CELA2B: variants seen among roughly 807,000 people sequenced by gnomAD.
The protein encoded by CELA2B is chymotrypsin-like elastase family member 2B.
In CELA2B, 27 loss-of-function variants were observed where a neutral mutation model predicts 36.5. The ratio of observed to expected loss-of-function variants is 0.74; its 90% CI spans 0.55 to 1.02. The LOEUF (loss-of-function observed/expected upper bound fraction) is 1.02. Among genes scored for constraint, CELA2B ranks in the 50% least tolerant of loss-of-function variants. The probability of loss-of-function intolerance (pLI) is 0.00; values close to 1 mark genes in which losing one functional copy is unlikely to be tolerated. For missense variants in CELA2B, 340 were observed against 347.8 expected, an observed-to-expected ratio of 0.98 and a Z score of 0.18; for synonymous variants, 143 against 148.5, an observed-to-expected ratio of 0.96 and a Z score of 0.27.
Position 15,480,954 on chromosome 1 carries a change from G to A in CELA2B, c.130-144G>A, listed in dbSNP as rs1026497221. The A allele has an allele frequency of 5.2e-6, 4 of 764,024 alleles. No individual in the cohort carries two copies. The African/African-American group carries it at 5.3e-5, about 10-fold the overall frequency. The allele number at this position is 764,024 out of a possible 1,614,324, so 47.3% of individuals were successfully genotyped here. ...AAATGTTTTTTATCTTCATGGCTGA[G>A]GTTTTGGGTGCCCCCTTAAGTTGTG... On this transcript the variant is annotated intron_variant, in intron 2 of 7. Transcript: ENST00000375910.
At chr1:15,484,183 C>A (rs1708777436) in intron 5 of CELA2B, among the ~76,000 whole-genome samples, 1 of 152,124 alleles carries the variant, frequency 6.6e-6, no homozygotes, top group Admixed American at 6.5e-5. Context: ...CCTCATCAGA[C>A]CCTCCATGCC....
At position 15,478,217 on chromosome 1, in the gene CELA2B, T is replaced by TATATATATATATATATATATA. The variant is rs1491212485; in HGVS notation, c.129+1672_129+1673insATATATATATATATATATATA. Among the ~76,000 whole-genome samples, 388 of 48,360 alleles carry TATATATATATATATATATATA rather than the reference T, an allele frequency of 8.0e-3. 5 individuals are homozygous for TATATATATATATATATATATA. Among genetic ancestry groups the TATATATATATATATATATATA allele is most frequent in the African/African-American group, 0.027 (355 of 12,928 alleles). 31.7% of individuals were successfully genotyped at this position (48,360 alleles called of 152,430 possible). ...AGGCTGAGGCATATATATATATATA[T>TATATATATATATATATATATA]TGGGATATATAGTTTGTTTGTTTGT... On this transcript the variant is annotated intron_variant, in intron 2 of 7. Transcript: ENST00000375910.
intron 3 of CELA2B, 114 bp downstream of exon 3, chr1:15,481,309 A>G (rs1480400550): frequency 1.6e-6 from 2 of 1,233,126 alleles, no homozygotes; most frequent in Non-Finnish European, 2.4e-6. Context: ...AATAACCACT[A>G]GCCTGGCCGA....
chr1:15,482,100 T>C (rs766015394), intron 3 of CELA2B, among the ~76,000 whole-genome samples, 165 bp from the exon 4 acceptor site: 14 of 152,224 alleles, frequency 9.2e-5, no homozygotes, highest in Non-Finnish European at 1.9e-4. Context: ...TCTTACATTA[T>C]ATACTTTAGG....
intron 2 of CELA2B, 58 bp downstream of exon 2, chr1:15,476,603 C>A: frequency 6.6e-7 from 1 of 1,516,126 alleles, no homozygotes; most frequent in South Asian, 1.1e-5. Flanking sequence ...TACATCCCCC[C>A]TTTGCCCTTC....
chr1:15,476,392 G>A (rs1276219224), intron 1 of CELA2B, 65 bp from the exon 2 acceptor site: 1 of 1,519,902 alleles, frequency 6.6e-7, no homozygotes, highest in Non-Finnish European at 9.1e-7. Context: ...TCAGAATGCA[G>A]CATGTATAGT....
chr1:15,483,243 T>C (rs1708763827), intron 4 of CELA2B, 21 bp from the exon 5 acceptor site: 1 of 1,613,108 alleles, frequency 6.2e-7, no homozygotes, highest in African/African-American at 1.3e-5. Context: ...GTTCTCATGC[T>C]CCGCCTCCGC....
At chr1:15,485,054 G>A (rs1370267440) in intron 5 of CELA2B, among the ~76,000 whole-genome samples, 4 of 151,902 alleles carry the variant, frequency 2.6e-5, no homozygotes, top group South Asian at 2.1e-4. Flanking sequence ...TGTGCACCAC[G>A]CCCAGCTAAT....
At position 15,487,883 on chromosome 1, in the gene CELA2B, C is replaced by A. The variant is rs149513304; in HGVS notation, c.792+446C>A. Among the ~76,000 whole-genome samples the A allele has an allele frequency of 1.1e-3, 160 of 152,302 alleles. 2 individuals are homozygous for A. The East Asian group carries it at 0.023, about 22-fold the overall frequency. On this transcript the variant is annotated intron_variant, in intron 7 of 7. Transcript: ENST00000375910. Reference sequence around the variant, plus strand: ...TCCAGCTATTCTGTAGGGTGACCAACCATCCCAGTTTGCCCAGGACTGAGA... The same window carrying A: ...TCCAGCTATTCTGTAGGGTGACCAAACATCCCAGTTTGCCCAGGACTGAGA...
chr1:15,491,388 T>C lies in CELA2B; in HGVS notation c.*76T>C, dbSNP rs1708891962. 6.5e-7 allele frequency: 1 copy of C among 1,542,340 alleles called. No individual in the cohort carries two copies. The highest frequency in any genetic ancestry group is 2.3e-5 in the East Asian group (1 of 44,436). On this transcript the variant is annotated 3_prime_UTR_variant, in exon 8 of 8. Coordinates refer to ENST00000375910, the MANE Select transcript of CELA2B (RefSeq NM_015849.3). ...AAATAATATTATATAAAGTGACAAC[T>C]ATGCAAATCACATCTTGATGAGGGT... is the stretch of plus-strand genomic sequence containing the variant.
At position 15,483,282 on chromosome 1, in the gene CELA2B, C is replaced by G. The variant is rs1367570254; in HGVS notation, c.375C>G (p.Leu125=). The change falls in exon 5 of 8, where the codon CTC becomes CTG. Residue 125 remains leucine, a synonymous_variant. Coordinates refer to ENST00000375910, the MANE Select transcript of CELA2B (RefSeq NM_015849.3). The part of the protein sequence containing the change: ...QVSKGNDIAL[L]KLANPVSLTD... ...CACCCAGGAACGACATTGCCCTGCTCAAACTGGCTAACCCCGTCTCCCTCA... is the reference window on the plus strand; with the variant it reads ...CACCCAGGAACGACATTGCCCTGCTGAAACTGGCTAACCCCGTCTCCCTCA... 3.7e-6 allele frequency: 6 copies of G among 1,613,750 alleles called. No homozygotes were observed. Among genetic ancestry groups the G allele is most frequent in the Non-Finnish European group, 4.2e-6 (5 of 1,179,890 alleles).
rs748820348 is a variant in CELA2B at position 15,485,871 on chromosome 1, C to T, written c.494-30C>T. ...TCCTTTTTCTCAGGAGTCCCTGCGT[C>T]CCTAATGGCTTCTCTCTGGTCTCAT... On this transcript the variant is annotated intron_variant, in intron 5 of 7. Coordinates refer to ENST00000375910, the MANE Select transcript of CELA2B (RefSeq NM_015849.3). 2.5e-6 allele frequency: 4 copies of T among 1,612,516 alleles called. No homozygotes were observed. The East Asian group carries it at 8.9e-5, about 36-fold the overall frequency.
At chr1:15,480,901 T>G (rs1283059934) in intron 2 of CELA2B, among the ~76,000 whole-genome samples, 197 bp from the exon 3 acceptor site, 1 of 151,686 alleles carries the variant, frequency 6.6e-6, no homozygotes, top group Non-Finnish European at 1.5e-5. Flanking sequence ...TGGCCTGATT[T>G]TTTTTTTTTT....
chr1:15,488,753 T>G (rs1557527655), intron 7 of CELA2B, among the ~76,000 whole-genome samples: 1 of 152,212 alleles, frequency 6.6e-6, no homozygotes, highest in Admixed American at 6.5e-5. Flanking sequence ...AAACTGACAC[T>G]TATAAAACCA....
Position 15,476,143 on chromosome 1 carries a change from G to C in CELA2B, c.18G>C (p.Leu6=). 1 of 1,614,146 alleles carries C rather than the reference G, an allele frequency of 6.2e-7. No homozygotes were observed. The highest frequency in any genetic ancestry group is 8.5e-7 in the Non-Finnish European group (1 of 1,180,034). MIRTL[L]LSTLVAGALS... ...GACACACCATGATTAGGACCCTGCT[G>C]CTGTCCACTTTGGTGGCTGGAGGTA... The change falls in exon 1 of 8, where the codon CTG becomes CTC. Residue 6 remains leucine, a synonymous_variant. Coordinates refer to ENST00000375910, the MANE Select transcript of CELA2B (RefSeq NM_015849.3).
intron 5 of CELA2B, among the ~76,000 whole-genome samples, chr1:15,483,688 G>T (rs1708771026): frequency 6.6e-6 from 1 of 152,192 alleles, no homozygotes; most frequent in Non-Finnish European, 1.5e-5. Flanking sequence ...GGCACTTTGG[G>T]AGGCCGAGAC....
intron 4 of CELA2B, among the ~76,000 whole-genome samples, 167 bp from the exon 5 acceptor site, chr1:15,483,097 G>A (rs139188387): frequency 0.017 from 2,580 of 152,154 alleles, 34 homozygotes; most frequent in South Asian, 0.051. Context: ...ACAGGCCACC[G>A]TGACTGGCCG....
intron 2 of CELA2B, among the ~76,000 whole-genome samples, chr1:15,480,601 G>T (rs1215662840): frequency 6.6e-6 from 1 of 152,082 alleles, no homozygotes; most frequent in Non-Finnish European, 1.5e-5. Flanking sequence ...GCAAAAGGGG[G>T]AAAGGCCCAT....
At chr1:15,491,229 GA>G in intron 7 of CELA2B, 65 bp from the exon 8 acceptor site, 1 of 1,606,462 alleles carries the variant, frequency 6.2e-7, no homozygotes, top group Non-Finnish European at 8.5e-7. Context: ...ACAGAGACAG[GA>G]AACTGCCACG....
Sources: gnomAD v4.1 joint callset for allele counts (sites outside exome capture counted in the v4.1 genomes callset) on GRCh38, gnomAD v4.1.1 for gene constraint, MANE v1.5 for transcripts, NCBI Gene and HGNC (gene_info 2026-07-23, HGNC 2026-07-21) for gene names.